PAXIP1: variants seen among roughly 807,000 people sequenced by gnomAD.
PAXIP1 encodes the protein PAX-interacting protein 1.
PAXIP1 carries 19 observed loss-of-function variants against 140.6 expected under a neutral mutation model. The observed-to-expected ratio is 0.14, with a 90% CI of 0.09 to 0.20. The LOEUF is 0.20. PAXIP1 is among the 10% of genes least tolerant of loss of function. PAXIP1 has a pLI of 1.00. For synonymous variants in PAXIP1, 442 were observed against 444.6 expected, an observed-to-expected ratio of 0.99 and a Z score of 0.07; for missense variants, 920 against 1,208.6, an observed-to-expected ratio of 0.76 and a Z score of 3.54.
Position 154,946,406 on chromosome 7 carries a change from G to A in PAXIP1, c.3153C>T (p.Phe1051=), listed in dbSNP as rs372746921. The A allele has an allele frequency of 9.3e-6, 15 of 1,613,684 alleles. No individual in the cohort carries two copies. In the African/African-American group the frequency reaches 1.5e-4, roughly 16 times the overall value. Residue 1051 remains phenylalanine (F), a synonymous_variant, in exon 20 of 21, where the codon TTC becomes TTT. Coordinates refer to ENST00000404141, the MANE Select transcript of PAXIP1 (RefSeq NM_007349.4). The surrounding 1 kb of genome is among the most constrained non-coding windows in gnomAD (Gnocchi z 4.9). ...TTTGAGTGAGCACTCCAGTCAGAACGAACTCTGCATTGTGAACATCTGAAC... is the reference window on the plus strand; with the variant it reads ...TTTGAGTGAGCACTCCAGTCAGAACAAACTCTGCATTGTGAACATCTGAAC... ...ARGIDVHNAE[F]VLTGVLTQTL...
At chr7:154,949,504 T>A (rs1450791721) in intron 16 of PAXIP1, 1 of 152,168 alleles carries the variant, frequency 6.6e-6, no homozygotes, top group Non-Finnish European at 1.5e-5. Context: ...ACAAAAAAAG[T>A]ACTGTTACAC....
At chr7:155,001,528 G>A (rs2150793204) in intron 1 of PAXIP1, 3 of 147,996 alleles carry the variant, frequency 2.0e-5, no homozygotes. Flanking sequence ...ACGGAGTCTA[G>A]CTGTTGTTGC....
chr7:154,959,880 T>C lies in PAXIP1; in HGVS notation c.2478+10A>G. ...GTAATAGCCAAGGTAAGGTTATTAA[T>C]TTGACATACCATCAACAACTCTGCA... On this transcript the variant is annotated intron_variant, in intron 13 of 20. Coordinates refer to ENST00000404141, the MANE Select transcript of PAXIP1 (RefSeq NM_007349.4). 1 of 1,574,194 alleles carries C rather than the reference T, an allele frequency of 6.4e-7. No homozygotes were observed. The highest frequency in any genetic ancestry group is 1.7e-4 in the Middle Eastern group (1 of 5,990).
At chr7:154,997,319 C>T (rs1270506560) in intron 2 of PAXIP1, among the ~76,000 whole-genome samples, 1 of 152,126 alleles carries the variant, frequency 6.6e-6, no homozygotes, top group Non-Finnish European at 1.5e-5. Flanking sequence ...CAGGTGTGAT[C>T]ACAGTGCATG....
At position 154,946,474 on chromosome 7, in the gene PAXIP1, G is replaced by A. The variant is rs368699452; in HGVS notation, c.3133+38C>T. 241 of 1,609,098 alleles carry A rather than the reference G, an allele frequency of 1.5e-4. 1 individual carries two copies. The highest frequency in any genetic ancestry group is 1.9e-4 in the Non-Finnish European group (227 of 1,175,574). ...TTTAGTTAGAGATCCACTGCTGTGC[G>A]TGCACACATACTCACACAGGTAAGC... On this transcript the variant is annotated intron_variant, in intron 19 of 20. Transcript: ENST00000404141. The surrounding 1 kb of genome is among the most constrained non-coding windows in gnomAD (Gnocchi z 4.9).
intron 1 of PAXIP1, among the ~76,000 whole-genome samples, chr7:154,999,382 A>G (rs1429035495): frequency 6.6e-6 from 1 of 152,256 alleles, no homozygotes; most frequent in Non-Finnish European, 1.5e-5. Context: ...GATTTCACAC[A>G]GGAAAAGTAG....
intron 15 of PAXIP1, 43 bp downstream of exon 15, chr7:154,955,486 G>A (rs1808463381): frequency 1.7e-6 from 2 of 1,151,692 alleles, no homozygotes; most frequent in African/African-American, 1.5e-5. Context: ...ATACAAAAAA[G>A]GACACTGCTA....
chr7:154,998,014 G>A (rs1478475119), intron 2 of PAXIP1, among the ~76,000 whole-genome samples: 1 of 152,218 alleles, frequency 6.6e-6, no homozygotes, highest in East Asian at 1.9e-4. Context: ...TGTTTCCCAT[G>A]ACAGGTTTCC....
At chr7:154,955,719 T>C in intron 14 of PAXIP1, 88 bp from the exon 15 acceptor site, 1 of 633,858 alleles carries the variant, frequency 1.6e-6, no homozygotes, top group East Asian at 3.0e-5. Flanking sequence ...TTTCATTAGT[T>C]TAACAAGCTT....
Position 154,975,837 on chromosome 7 carries a change from A to G in PAXIP1, c.933T>C (p.Asn311=). The G allele has an allele frequency of 6.2e-7, 1 of 1,613,984 alleles. No homozygotes were observed. Among genetic ancestry groups the G allele is most frequent in the Non-Finnish European group, 8.5e-7 (1 of 1,179,900 alleles). ...GNILPPEVRG[N]LMAAGQNLQS... The stretch of plus-strand genomic sequence containing the variant: ...GGAGGTTTTGTCCAGCAGCCATTAA[A>G]TTACCCCGGACCTCAGGGGGCAAAA... Residue 311 remains asparagine (N), a synonymous_variant, in exon 6 of 21, where the codon AAT becomes AAC. Transcript: ENST00000404141.
intron 5 of PAXIP1, among the ~76,000 whole-genome samples, chr7:154,977,565 TTG>T (rs1809641763): frequency 6.6e-6 from 1 of 152,228 alleles, no homozygotes; most frequent in Non-Finnish European, 1.5e-5. Context: ...GTGACTTAAC[TTG>T]TGTTTGTGAG....
At chr7:154,960,771 G>T in intron 12 of PAXIP1, 122 bp downstream of exon 12, 1 of 652,560 alleles carries the variant, frequency 1.5e-6, no homozygotes, top group Non-Finnish European at 2.5e-6. Flanking sequence ...AATTGGAAAT[G>T]AGTCAAAAAC....
chr7:154,950,699 C>T (rs1808234364), intron 16 of PAXIP1: 2 of 152,250 alleles, frequency 1.3e-5, no homozygotes, highest in African/African-American at 4.8e-5. Context: ...AGCAGCTTTA[C>T]TGCTAACTGC....
rs375597256 is a variant in PAXIP1 at position 154,955,509 on chromosome 7, C to T, written c.2652+20G>A. ...AAGGACACTGCTAAAAATCCTTGTA[C>T]GAAGTAGATGAAATTTCACCTTAAT... On this transcript the variant is annotated intron_variant, in intron 15 of 20. Transcript: ENST00000404141. The T allele has an allele frequency of 2.5e-5, 37 of 1,469,190 alleles. No homozygotes were observed. Among genetic ancestry groups the T allele is most frequent in the South Asian group, 1.3e-4 (11 of 87,128 alleles). 91.0% of individuals were successfully genotyped at this position (1,469,190 alleles called of 1,614,324 possible).
chr7:154,992,204 G>C (rs981670601), intron 3 of PAXIP1, among the ~76,000 whole-genome samples: 1 of 152,148 alleles, frequency 6.6e-6, no homozygotes, highest in African/African-American at 2.4e-5. Context: ...CCAGGCTGGA[G>C]CGCAGTGGCA....
chr7:154,957,924 G>A (rs1808595138), intron 13 of PAXIP1, among the ~76,000 whole-genome samples: 1 of 136,336 alleles, frequency 7.3e-6, no homozygotes, highest in Non-Finnish European at 1.5e-5. Flanking sequence ...CCGAGATTGC[G>A]CCACTGCAGT....
chr7:154,968,811 A>G lies in PAXIP1; in HGVS notation c.1390T>C (p.Ser464Pro). The G allele has an allele frequency of 1.4e-6, 1 of 728,418 alleles. No individual in the cohort carries two copies. The highest frequency in any genetic ancestry group is 2.5e-6 in the Non-Finnish European group (1 of 395,806). 45.1% of individuals were successfully genotyped at this position (728,418 alleles called of 1,614,324 possible). ...TGTGGAAACTGTAGCTGTTGCTGTGAAAACTGATGCGGATGGGCTTGCTGC... is the reference window on the plus strand; with the variant it reads ...TGTGGAAACTGTAGCTGTTGCTGTGGAAACTGATGCGGATGGGCTTGCTGC... ...QQQQAHPHQFSQQQLQFPQQQ... is the reference protein window; with the variant it reads ...QQQQAHPHQFPQQQLQFPQQQ... Residue 464 changes from serine (S) to proline (P), a missense_variant, in exon 7 of 21, where the codon TCA (serine) becomes CCA (proline). Physicochemically the swap from Ser to Pro is moderately conservative, Grantham distance 74 (BLOSUM62 -1). Coordinates refer to ENST00000404141, the MANE Select transcript of PAXIP1 (RefSeq NM_007349.4).
chr7:154,974,162 T>G (rs1482822898), intron 6 of PAXIP1: 1 of 152,284 alleles, frequency 6.6e-6, no homozygotes, highest in Non-Finnish European at 1.5e-5. Context: ...ACCTGCAGCT[T>G]TCCAGTGTTC....
At chr7:154,978,370 T>C (rs568743930) in intron 5 of PAXIP1, among the ~76,000 whole-genome samples, 1 of 152,348 alleles carries the variant, frequency 6.6e-6, no homozygotes, top group Middle Eastern at 3.4e-3. Flanking sequence ...TAAGGCTTCA[T>C]ATCTCTAACT....
Sources: gnomAD v4.1 joint callset for allele counts (sites outside exome capture counted in the v4.1 genomes callset) on GRCh38, gnomAD v4.1.1 for gene constraint, Gnocchi (gnomAD v3.1) non-coding constraint, MANE v1.5 for transcripts, NCBI Gene and HGNC (gene_info 2026-07-23, HGNC 2026-07-21) for gene names.